Variants in UBAP2 observed in about 807,000 individuals in gnomAD.
UBAP2 encodes ubiquitin associated protein 2.
In UBAP2, 75 loss-of-function variants were observed where a neutral mutation model predicts 139.6. The observed-to-expected ratio is 0.54, with a 90% CI of 0.45 to 0.65. The LOEUF (loss-of-function observed/expected upper bound fraction) is 0.65. Among genes scored for constraint, UBAP2 ranks in the 30% least tolerant of loss-of-function variants. The pLI is 0.00. For synonymous variants in UBAP2, 526 were observed against 526.2 expected (o/e 1.00, Z 0.01); for missense variants, 1,368 against 1,369.6 (o/e 1.00, Z 0.02).
At chr9:33,986,663 C>A (rs1170491454) in intron 6 of UBAP2, 97 bp downstream of exon 6, 15 of 992,250 alleles carry the variant, frequency 1.5e-5, no homozygotes, top group Admixed American at 3.5e-5. Context: ...GCTATTCTTT[C>A]AGAACACACT....
chr9:34,044,531 C>T lies in UBAP2; in HGVS notation c.-42+4294G>A, dbSNP rs140779523. On this transcript the variant is annotated intron_variant, in intron 1 of 28. Coordinates refer to ENST00000379238, the MANE Select transcript of UBAP2 (RefSeq NM_001370062.2). Reference sequence around the variant, plus strand: ...AGTGAGCCAAGGCACCACAGCACTCCAGCCTGGGCGACAGAGAAAGACTGT... The same window carrying T: ...AGTGAGCCAAGGCACCACAGCACTCTAGCCTGGGCGACAGAGAAAGACTGT... Among the ~76,000 whole-genome samples the T allele has an allele frequency of 2.5e-4, 38 of 152,144 alleles. No homozygotes were observed. In the East Asian group the frequency reaches 7.4e-3, roughly 29 times the overall value.
chr9:33,945,395 A>G (rs542265550), intron 13 of UBAP2, among the ~76,000 whole-genome samples: 1 of 152,184 alleles, frequency 6.6e-6, no homozygotes, highest in Admixed American at 6.5e-5. Flanking sequence ...GCTACTCGGG[A>G]GGCTGAGGCA....
chr9:33,968,446 C>A, intron 8 of UBAP2: 1 of 558,224 alleles, frequency 1.8e-6, no homozygotes, highest in African/African-American at 1.9e-5. Context: ...AGGGCATGTG[C>A]AGCCTGGTCG....
chr9:34,024,769 C>A (rs919969648), intron 1 of UBAP2, among the ~76,000 whole-genome samples: 2 of 152,138 alleles, frequency 1.3e-5, no homozygotes, highest in South Asian at 2.1e-4. Flanking sequence ...GGATCACTTG[C>A]GGTCAGGAGT....
At chr9:34,027,992 G>A (rs1825557572) in intron 1 of UBAP2, among the ~76,000 whole-genome samples, 1 of 151,144 alleles carries the variant, frequency 6.6e-6, no homozygotes, top group Non-Finnish European at 1.5e-5. Flanking sequence ...TCAACTATGA[G>A]ATCCAATTCC....
chr9:33,926,580 T>C, intron 22 of UBAP2, 37 bp downstream of exon 22: 3 of 1,613,396 alleles, frequency 1.9e-6, no homozygotes, highest in Non-Finnish European at 2.5e-6. Context: ...TAAAAGATTC[T>C]GAACCCTCTG....
intron 16 of UBAP2, 49 bp downstream of exon 16, chr9:33,941,600 T>A (rs1825207780): frequency 6.7e-7 from 1 of 1,481,634 alleles, no homozygotes. Flanking sequence ...AACATTAATT[T>A]CCAAATAAGA....
chr9:33,924,674 C>G (rs545880411), intron 22 of UBAP2, among the ~76,000 whole-genome samples: 7 of 152,230 alleles, frequency 4.6e-5, no homozygotes, highest in African/African-American at 1.7e-4. Flanking sequence ...AAGGAGGCAA[C>G]AGAAGTGCAG....
At chr9:34,041,270 T>C (rs897342375) in intron 1 of UBAP2, among the ~76,000 whole-genome samples, 7 of 142,336 alleles carry the variant, frequency 4.9e-5, no homozygotes, top group Admixed American at 2.2e-4. Context: ...CTGCCCAACA[T>C]AGTGAACCCA....
intron 2 of UBAP2, among the ~76,000 whole-genome samples, chr9:34,003,723 CTTTT>C (rs1356462252): frequency 2.0e-5 from 3 of 147,910 alleles, no homozygotes; most frequent in South Asian, 2.2e-4. Flanking sequence ...AGATTTCTTT[CTTTT>C]GTTTTTTTTT....
intron 2 of UBAP2, among the ~76,000 whole-genome samples, chr9:34,013,597 C>G (rs939893424): frequency 3.3e-5 from 5 of 152,136 alleles, no homozygotes; most frequent in African/African-American, 1.2e-4. Flanking sequence ...ATCTTACCGG[C>G]AGGGCGTGGT....
chr9:33,955,704 T>C (rs1170465678), intron 11 of UBAP2, among the ~76,000 whole-genome samples: 1 of 151,194 alleles, frequency 6.6e-6, no homozygotes, highest in African/African-American at 2.4e-5. Flanking sequence ...CGCATGCCTG[T>C]AATCCCAGCT....
At chr9:33,972,899 G>A (rs544707568) in intron 7 of UBAP2, among the ~76,000 whole-genome samples, 2 of 152,170 alleles carry the variant, frequency 1.3e-5, no homozygotes, top group African/African-American at 4.8e-5. Flanking sequence ...GTACAGAGAA[G>A]AGAGATGTTG....
chr9:33,963,481 C>CGAAT (rs920337714), intron 9 of UBAP2, among the ~76,000 whole-genome samples: 1 of 152,116 alleles, frequency 6.6e-6, no homozygotes, highest in Non-Finnish European at 1.5e-5. Context: ...AGTCCTCTAA[C>CGAAT]GAATGTATGT....
At chr9:33,983,084 T>C (rs1403246070) in intron 6 of UBAP2, among the ~76,000 whole-genome samples, 1 of 152,106 alleles carries the variant, frequency 6.6e-6, no homozygotes, top group African/African-American at 2.4e-5. Context: ...TTCACTATGA[T>C]GGCCAGGCTG....
At chr9:34,026,835 G>A (rs1274977187) in intron 1 of UBAP2, among the ~76,000 whole-genome samples, 1 of 152,146 alleles carries the variant, frequency 6.6e-6, no homozygotes, top group Non-Finnish European at 1.5e-5. Context: ...TACAGTGTGT[G>A]CACTTAACTA....
chr9:33,971,355 AT>A (rs1827902952), intron 8 of UBAP2, among the ~76,000 whole-genome samples: 1 of 152,212 alleles, frequency 6.6e-6, no homozygotes, highest in Admixed American at 6.5e-5. Context: ...GAAATTCTAT[AT>A]ATCTGTGACA....
In UBAP2 at chr9:33,923,493, A is replaced by G; in HGVS notation, c.2797-15T>C. 2 of 1,613,156 alleles carry G rather than the reference A, an allele frequency of 1.2e-6. No homozygotes were observed. The highest frequency in any genetic ancestry group is 1.7e-6 in the Non-Finnish European group (2 of 1,179,142). On this transcript the variant is annotated splice_polypyrimidine_tract_variant and intron_variant, in intron 24 of 28. Coordinates refer to ENST00000379238, the MANE Select transcript of UBAP2 (RefSeq NM_001370062.2). Reference sequence around the variant, plus strand: ...GCTGGAGGGACCTGGGGGGGCAAGCAGATGAGGTATTAGTGTAGGAAGAGG... The same window carrying G: ...GCTGGAGGGACCTGGGGGGGCAAGCGGATGAGGTATTAGTGTAGGAAGAGG...
At chr9:34,040,841 A>C (rs1827006381) in intron 1 of UBAP2, among the ~76,000 whole-genome samples, 2 of 152,234 alleles carry the variant, frequency 1.3e-5, no homozygotes, top group South Asian at 2.1e-4. Context: ...TCCTTGACAG[A>C]TTTGAGAAAA....
Sources: gnomAD v4.1 joint callset for allele counts (sites outside exome capture counted in the v4.1 genomes callset) on GRCh38, gnomAD v4.1.1 for gene constraint, MANE v1.5 for transcripts, NCBI Gene and HGNC (gene_info 2026-07-23, HGNC 2026-07-21) for gene names.